PCDHA3: variants seen among roughly 807,000 people sequenced by gnomAD.
The protein encoded by PCDHA3 is protocadherin alpha-3.
A neutral mutation model predicts 62.2 loss-of-function variants in PCDHA3; 41 were observed. The observed-to-expected ratio is 0.66, with a 90% CI of 0.51 to 0.86. PCDHA3 has a LOEUF of 0.86. PCDHA3 is among the 40% of genes least tolerant of loss of function. The pLI is 0.00. For synonymous variants in PCDHA3, 640 were observed against 555.4 expected (o/e 1.15, Z -2.14); for missense variants, 1,304 against 1,241.2 (o/e 1.05, Z -0.76).
At chr5:140,869,790 A>G (rs782009264) in intron 1 of PCDHA3, 4 of 1,612,954 alleles carry the variant, frequency 2.5e-6, no homozygotes, top group African/African-American at 1.3e-5. Context: ...TTCGGCTGTT[A>G]GTCCAAGTCT....
At chr5:140,975,068 C>T (rs1273763502) in intron 1 of PCDHA3, among the ~76,000 whole-genome samples, 4 of 152,134 alleles carry the variant, frequency 2.6e-5, no homozygotes, top group African/African-American at 9.7e-5. Flanking sequence ...CGAGCTCATT[C>T]AGATTGTTGG....
rs1554254172 is a variant in PCDHA3, at chr5:140,994,436, C to G, written c.2542+11873C>G. On this transcript the variant is annotated intron_variant, in intron 3 of 3. Coordinates refer to ENST00000522353, the MANE Select transcript of PCDHA3 (RefSeq NM_018906.3). ...TGGATATTGAGGCCGGGCGCAGTGG[C>G]TCACACCTGTGATCCCAGCACTTTG... 1.3e-5 allele frequency among the ~76,000 whole-genome samples: 2 copies of G among 152,164 alleles called. 1 individual carries two copies. Among genetic ancestry groups the G allele is most frequent in the African/African-American group, 4.8e-5 (2 of 41,432 alleles).
intron 1 of PCDHA3, among the ~76,000 whole-genome samples, chr5:140,913,995 A>T (rs541070374): frequency 6.6e-6 from 1 of 152,288 alleles, no homozygotes; most frequent in Admixed American, 6.5e-5. Context: ...TGTGACTAGC[A>T]TATGGTCTAT....
Position 140,802,972 on chromosome 5 carries a change from C to A in PCDHA3, c.1775C>A (p.Ala592Glu). 2 of 1,613,982 alleles carry A rather than the reference C, an allele frequency of 1.2e-6. No individual in the cohort carries two copies. Among genetic ancestry groups the A allele is most frequent in the Non-Finnish European group, 8.5e-7 (1 of 1,179,926 alleles). Reference sequence around the variant, plus strand: ...TCAGTGGGTGCGGGCCACGTGGTAGCGAAGGTGCGCGCAGTGGATGCAGAC... The same window carrying A: ...TCAGTGGGTGCGGGCCACGTGGTAGAGAAGGTGCGCGCAGTGGATGCAGAC... ...PRSVGAGHVV[A>E]KVRAVDADSG... The change falls in exon 1 of 4, where the codon GCG becomes GAG. Residue 592 changes from alanine to glutamate, a missense_variant. Physicochemically the swap from Ala to Glu is moderately radical, Grantham distance 107. Transcript: ENST00000522353.
intron 1 of PCDHA3, among the ~76,000 whole-genome samples, chr5:140,899,774 C>T (rs966615256): frequency 3.9e-5 from 6 of 152,122 alleles, no homozygotes; most frequent in African/African-American, 1.4e-4. Context: ...CCTCCTTTTA[C>T]CTCTGGTATA....
At chr5:140,871,639 A>T in intron 1 of PCDHA3, 1 of 1,347,750 alleles carries the variant, frequency 7.4e-7, no homozygotes, top group East Asian at 2.5e-5. Context: ...CTGTTCATAA[A>T]ATACCAAATG....
intron 1 of PCDHA3, among the ~76,000 whole-genome samples, chr5:140,819,281 GA>G (rs1766526408): frequency 6.6e-6 from 1 of 152,032 alleles, no homozygotes; most frequent in Admixed American, 6.6e-5. Flanking sequence ...GATAAGAGAA[GA>G]AAAATATAGC....
rs782073950 is a variant in PCDHA3, at chr5:140,978,950, C to G, written c.2396C>G (p.Pro799Arg). The G allele has an allele frequency of 1.2e-6, 2 of 1,614,102 alleles. No individual in the cohort carries two copies. The highest frequency in any genetic ancestry group is 1.7e-6 in the Non-Finnish European group (2 of 1,180,022). Reference sequence around the variant, plus strand: ...AAAACTCTCTTTGTGATTTTGCAGCCACGACAGCCCAACCCTGACTGGCGT... The same window carrying G: ...AAAACTCTCTTTGTGATTTTGCAGCGACGACAGCCCAACCCTGACTGGCGT... ...QDVDVDLSAK[P>R]RQPNPDWRYS... The change falls in exon 2 of 4, where the codon CCA becomes CGA. Residue 799 changes from proline to arginine, a missense_variant and splice_region_variant. Coordinates refer to ENST00000522353, the MANE Select transcript of PCDHA3 (RefSeq NM_018906.3).
Position 141,010,476 on chromosome 5 carries a change from G to T in PCDHA3, c.*539G>T. ...GAAGTTATCAGTATGGAGGGGAAGT[G>T]TAAACTTAAAGGGACCAGACTTTCT... is the stretch of plus-strand genomic sequence containing the variant. On this transcript the variant is annotated 3_prime_UTR_variant, in exon 4 of 4. Coordinates refer to ENST00000522353, the MANE Select transcript of PCDHA3 (RefSeq NM_018906.3). 1.3e-6 allele frequency: 1 copy of T among 752,476 alleles called. No individual in the cohort carries two copies. Among genetic ancestry groups the T allele is most frequent in the Non-Finnish European group, 2.0e-6 (1 of 499,640 alleles). The allele number at this position is 752,476 out of a possible 1,614,324, so 46.6% of individuals were successfully genotyped here. A position where few individuals can be genotyped will look rare whatever the true frequency, so the allele number is the denominator to read the frequency against.
chr5:140,845,771 A>C (rs1034344709), intron 1 of PCDHA3, among the ~76,000 whole-genome samples: 1 of 149,762 alleles, frequency 6.7e-6, no homozygotes, highest in African/African-American at 2.4e-5. Flanking sequence ...GTTAATAGTT[A>C]TAAATTATTA....
chr5:140,840,527 A>G (rs1776748487), intron 1 of PCDHA3, among the ~76,000 whole-genome samples: 1 of 152,080 alleles, frequency 6.6e-6, no homozygotes, highest in African/African-American at 2.4e-5. Context: ...AGAAAGATGA[A>G]GAACTAACAA....
chr5:140,855,992 T>C (rs2043714140), intron 1 of PCDHA3: 2 of 1,492,956 alleles, frequency 1.3e-6, no homozygotes, highest in Admixed American at 4.4e-5. Context: ...AAATGTCAGA[T>C]CGTATGTGCG....
chr5:140,838,539 A>G (rs1185872182), intron 1 of PCDHA3, among the ~76,000 whole-genome samples: 1 of 151,946 alleles, frequency 6.6e-6, no homozygotes, highest in Admixed American at 6.6e-5. Context: ...TTATGGATAT[A>G]TCATGATTTA....
At chr5:140,968,050 C>T (rs782392575) in intron 1 of PCDHA3, 12 of 1,614,178 alleles carry the variant, frequency 7.4e-6, no homozygotes, top group Admixed American at 1.7e-5. Flanking sequence ...GCCCACTGGA[C>T]CGAGAGCGGG....
Position 140,828,616 on chromosome 5 carries a change from C to A in PCDHA3, c.2394+25025C>A, listed in dbSNP as rs2150157391. 16 of 1,614,024 alleles carry A rather than the reference C, an allele frequency of 9.9e-6. No homozygotes were observed. The African/African-American group carries it at 1.3e-4, about 13-fold the overall frequency. ...TCTTAACCTATAAACTCAGTTCTAG[C>A]GAATACTTCGGGCTAGATGTGAAAA... is the stretch of plus-strand genomic sequence containing the variant. On this transcript the variant is annotated intron_variant, in intron 1 of 3. Transcript: ENST00000522353.
At chr5:140,927,981 T>C (rs2084836319) in intron 1 of PCDHA3, 2 of 1,614,206 alleles carry the variant, frequency 1.2e-6, no homozygotes, top group Non-Finnish European at 1.7e-6. Flanking sequence ...CTCTCTTTAG[T>C]GTAAAGGATG....
At chr5:140,827,571 A>C (rs1769334993) in intron 1 of PCDHA3, among the ~76,000 whole-genome samples, 2 of 152,232 alleles carry the variant, frequency 1.3e-5, no homozygotes, top group Admixed American at 1.3e-4. Flanking sequence ...AGCACTATAT[A>C]ATAGCATGTC....
At chr5:140,934,988 C>A (rs901740982) in intron 1 of PCDHA3, among the ~76,000 whole-genome samples, 5 of 152,154 alleles carry the variant, frequency 3.3e-5, no homozygotes, top group Non-Finnish European at 7.4e-5. Context: ...AGTGATAACA[C>A]CCTGAATCCT....
intron 3 of PCDHA3, among the ~76,000 whole-genome samples, chr5:140,993,652 T>C (rs1174007185): frequency 6.6e-6 from 1 of 152,172 alleles, no homozygotes; most frequent in Admixed American, 6.5e-5. Flanking sequence ...AATGACACTT[T>C]GGTTAACAAT....
Sources: allele counts gnomAD v4.1 joint callset (sites outside exome capture counted in the v4.1 genomes callset), GRCh38; gene constraint gnomAD v4.1.1; transcripts MANE v1.5; gene names NCBI Gene and HGNC (gene_info 2026-07-23, HGNC 2026-07-21).